Variants in CHCHD6 observed in about 807,000 individuals in gnomAD.
CHCHD6 encodes the protein MICOS complex subunit MIC25.
CHCHD6 carries 28 observed loss-of-function variants against 32.3 expected under a neutral mutation model. The observed-to-expected ratio is 0.87, with a 90% confidence interval of 0.64 to 1.19. CHCHD6 has a LOEUF of 1.19. Ranked by LOEUF, CHCHD6 falls within the 50% of genes most tolerant of loss-of-function variation. CHCHD6 has a pLI of 0.00. For missense variants in CHCHD6, 333 were observed against 307.0 expected, an observed-to-expected ratio of 1.08 and a Z score of -0.63; for synonymous variants, 122 against 117.5, an observed-to-expected ratio of 1.04 and a Z score of -0.25.
rs116039206 is a variant in CHCHD6 at position 126,732,967 on chromosome 3, C to T, written c.267-111C>T. 3,365 of 1,221,728 alleles carry T rather than the reference C, an allele frequency of 2.8e-3. 68 individuals are homozygous for T. The African/African-American group carries it at 0.041, about 15-fold the overall frequency. The allele number at this position is 1,221,728 out of a possible 1,614,324, so 75.7% of individuals were successfully genotyped here. Reference sequence around the variant, plus strand: ...CTCTCCTTTCCTGACCAGCCGCTGGCTGGTTTCAGCATTTCCCTGGTGGCT... The same window carrying T: ...CTCTCCTTTCCTGACCAGCCGCTGGTTGGTTTCAGCATTTCCCTGGTGGCT... On this transcript the variant is annotated intron_variant, in intron 3 of 7. Transcript: ENST00000290913.
intron 4 of CHCHD6, among the ~76,000 whole-genome samples, chr3:126,751,756 T>C (rs903676682): frequency 7.9e-5 from 12 of 152,194 alleles, no homozygotes; most frequent in African/African-American, 2.9e-4. Flanking sequence ...TTCCCAGTTG[T>C]GCTCCCTGAG....
At chr3:126,781,809 C>G (rs1248594293) in intron 4 of CHCHD6, among the ~76,000 whole-genome samples, 1 of 152,230 alleles carries the variant, frequency 6.6e-6, no homozygotes, top group Non-Finnish European at 1.5e-5. Flanking sequence ...TTTTCCCACT[C>G]TCTTTTTTAG....
chr3:126,783,803 A>C (rs1295768736), intron 4 of CHCHD6, among the ~76,000 whole-genome samples: 1 of 152,062 alleles, frequency 6.6e-6, no homozygotes, highest in Non-Finnish European at 1.5e-5. Flanking sequence ...TGAGAGGTGC[A>C]GCTTGGGGCC....
At chr3:126,833,793 C>A (rs975100978) in intron 4 of CHCHD6, among the ~76,000 whole-genome samples, 2 of 152,120 alleles carry the variant, frequency 1.3e-5, no homozygotes, top group Non-Finnish European at 2.9e-5. Context: ...CGGTGGCTCA[C>A]GCCTGTAATC....
chr3:126,950,518 C>G (rs1387947160), intron 6 of CHCHD6, among the ~76,000 whole-genome samples: 3 of 152,214 alleles, frequency 2.0e-5, no homozygotes, highest in South Asian at 2.1e-4. Context: ...GTGGCACGCT[C>G]TCTGCTCACT....
At chr3:126,844,492 G>A (rs2107548313) in intron 4 of CHCHD6, among the ~76,000 whole-genome samples, 1 of 152,082 alleles carries the variant, frequency 6.6e-6, no homozygotes, top group Non-Finnish European at 1.5e-5. Context: ...TTTTTGCCTT[G>A]AATTCTTCTT....
chr3:126,960,386 G>T lies in CHCHD6; in HGVS notation c.*185G>T, dbSNP rs1170146445. ...CTGTCTGAAAACAAATAAAGCAGAT[G>T]CCTTTGTTTTCAGTCGTTGACTCAC... On this transcript the variant is annotated 3_prime_UTR_variant, in exon 8 of 8. Coordinates refer to ENST00000290913, the MANE Select transcript of CHCHD6 (RefSeq NM_032343.3). 5.9e-6 allele frequency: 4 copies of T among 673,450 alleles called. No individual in the cohort carries two copies. Among genetic ancestry groups the T allele is most frequent in the Non-Finnish European group, 1.0e-5 (4 of 391,330 alleles). 41.7% of individuals were successfully genotyped at this position (673,450 alleles called of 1,614,324 possible).
intron 4 of CHCHD6, among the ~76,000 whole-genome samples, chr3:126,753,433 T>G (rs1269835620): frequency 1.3e-5 from 2 of 152,164 alleles, no homozygotes; most frequent in East Asian, 3.9e-4. Flanking sequence ...TCCAAAGACA[T>G]TCCAGGAGCA....
intron 5 of CHCHD6, among the ~76,000 whole-genome samples, chr3:126,855,187 CAG>C (rs1291274153): frequency 6.6e-6 from 1 of 152,170 alleles, no homozygotes; most frequent in Non-Finnish European, 1.5e-5. Context: ...TTGACACAGA[CAG>C]GGGCCTTGTG....
chr3:126,915,438 G>A (rs1232764561), intron 6 of CHCHD6, among the ~76,000 whole-genome samples: 1 of 152,230 alleles, frequency 6.6e-6, no homozygotes, highest in Non-Finnish European at 1.5e-5. Flanking sequence ...GTCAGAAAGT[G>A]ATTCTTGTGG....
chr3:126,753,298 A>G (rs1022881748), intron 4 of CHCHD6, among the ~76,000 whole-genome samples: 4 of 152,134 alleles, frequency 2.6e-5, no homozygotes, highest in African/African-American at 9.7e-5. Context: ...GCATCTGGAT[A>G]TGGTCATGCT....
At chr3:126,955,303 C>T (rs937912947) in intron 6 of CHCHD6, among the ~76,000 whole-genome samples, 17 of 152,362 alleles carry the variant, frequency 1.1e-4, no homozygotes, top group Admixed American at 9.8e-4. Context: ...AGCGGGTCTC[C>T]GGAGCTGGGC....
chr3:126,710,618 G>A (rs564497490), intron 1 of CHCHD6, among the ~76,000 whole-genome samples: 1 of 152,276 alleles, frequency 6.6e-6, no homozygotes, highest in African/African-American at 2.4e-5. Context: ...TCTGAGGAGT[G>A]TTTTTTACTT....
chr3:126,938,154 A>G (rs569370541), intron 6 of CHCHD6, among the ~76,000 whole-genome samples: 2 of 152,330 alleles, frequency 1.3e-5, no homozygotes, highest in East Asian at 3.9e-4. Flanking sequence ...ATCCATTTCC[A>G]TCAGGGAAAT....
At chr3:126,890,409 G>A (rs2077740899) in intron 5 of CHCHD6, among the ~76,000 whole-genome samples, 1 of 152,266 alleles carries the variant, frequency 6.6e-6, no homozygotes, top group African/African-American at 2.4e-5. Flanking sequence ...GGTAGTATTG[G>A]GAGAGGGCTG....
At chr3:126,705,098 G>C (rs927515757) in intron 1 of CHCHD6, among the ~76,000 whole-genome samples, 8 of 152,158 alleles carry the variant, frequency 5.3e-5, no homozygotes, top group African/African-American at 1.9e-4. Flanking sequence ...TGCGCCGGCT[G>C]TTCTCTCTCC....
chr3:126,732,509 C>T (rs1439654087), intron 3 of CHCHD6, among the ~76,000 whole-genome samples: 7 of 152,158 alleles, frequency 4.6e-5, no homozygotes, highest in Non-Finnish European at 4.4e-5. Context: ...TATATGATCA[C>T]ACCATATTTT....
chr3:126,820,819 T>C (rs66860072), intron 4 of CHCHD6, among the ~76,000 whole-genome samples: 5,602 of 152,332 alleles, frequency 0.037, 161 homozygotes, highest in East Asian at 0.14. Flanking sequence ...CATTTTCTGC[T>C]GTCAGTTGTC....
rs775061670 is a variant in CHCHD6 at position 126,733,057 on chromosome 3, CCTCATGTTTCTT to C, written c.267-18_267-7del. 9.3e-6 allele frequency: 15 copies of C among 1,612,466 alleles called. No individual in the cohort carries two copies. The highest frequency in any genetic ancestry group is 1.2e-5 in the Non-Finnish European group (14 of 1,178,756). ...CGTCATGCCATCCACATCTGTTTCT[CCTCATGTTTCTT>C]CTGCACAGGTATGAACAGGAGCATG... On this transcript the variant is annotated splice_polypyrimidine_tract_variant and intron_variant, in intron 3 of 7. Coordinates refer to ENST00000290913, the MANE Select transcript of CHCHD6 (RefSeq NM_032343.3).
Sources: allele counts gnomAD v4.1 joint callset (sites outside exome capture counted in the v4.1 genomes callset), GRCh38; gene constraint gnomAD v4.1.1; transcripts MANE v1.5; gene names NCBI Gene and HGNC (gene_info 2026-07-23, HGNC 2026-07-21).